The following QTMAN variants were observed in gnomAD, a reference collection of about 807,000 sequenced individuals.
QTMAN encodes the protein queuosine-tRNA mannosyltransferase.
the QTMAN span, among the ~76,000 whole-genome samples, chr2:144,162,882 G>T: frequency 3.3e-5 from 5 of 152,122 alleles, no homozygotes; most frequent in African/African-American, 1.2e-4. Context: ...GCAGATAGGG[G>T]GCATCAGTGG....
the QTMAN span, among the ~76,000 whole-genome samples, chr2:144,264,748 TGGCAAAG>T: frequency 6.6e-6 from 1 of 152,194 alleles, no homozygotes; most frequent in Non-Finnish European, 1.5e-5. Flanking sequence ...ACGGTTTCCT[TGGCAAAG>T]ATATTCCTAT....
the QTMAN span, among the ~76,000 whole-genome samples, chr2:144,109,593 A>T: frequency 6.6e-6 from 1 of 152,162 alleles, no homozygotes; most frequent in East Asian, 1.9e-4. Flanking sequence ...AGAAATCACC[A>T]TCAGAGTGAA....
the QTMAN span, among the ~76,000 whole-genome samples, chr2:144,106,302 C>G: frequency 6.6e-6 from 1 of 152,184 alleles, no homozygotes; most frequent in South Asian, 2.1e-4. Flanking sequence ...TTAAAAGACA[C>G]AGACTGGCAA....
chr2:144,182,828 A>AATATATATATATTATAT, the QTMAN span, among the ~76,000 whole-genome samples: 1 of 67,212 alleles, frequency 1.5e-5, no homozygotes, highest in Non-Finnish European at 2.6e-5. Context: ...TTATATATAT[A>AATATATATATATTATAT]ATATATATAT....
the QTMAN span, among the ~76,000 whole-genome samples, chr2:144,281,414 A>C: frequency 6.6e-6 from 1 of 150,680 alleles, no homozygotes; most frequent in South Asian, 2.1e-4. Flanking sequence ...AAAAAAAAAA[A>C]AAAACGGAAA....
chr2:144,255,395 TC>T, the QTMAN span, among the ~76,000 whole-genome samples: 1 of 152,158 alleles, frequency 6.6e-6, no homozygotes. Flanking sequence ...GGCACTTCTC[TC>T]TTTGGCCGTG....
chr2:144,205,583 A>C, the QTMAN span, among the ~76,000 whole-genome samples: 1 of 152,304 alleles, frequency 6.6e-6, no homozygotes, highest in Non-Finnish European at 1.5e-5. Flanking sequence ...TTCTGTTAAC[A>C]AGGAAGAAGG....
At chr2:144,147,231 T>C in the QTMAN span, among the ~76,000 whole-genome samples, 1 of 151,560 alleles carries the variant, frequency 6.6e-6, no homozygotes, top group Non-Finnish European at 1.5e-5. Context: ...CCTACATTGC[T>C]ATATTAATGT....
the QTMAN span, among the ~76,000 whole-genome samples, chr2:144,233,073 T>C: frequency 6.6e-6 from 1 of 152,168 alleles, no homozygotes; most frequent in African/African-American, 2.4e-5. Context: ...GTAAAAGACA[T>C]GAACTGACCC....
the QTMAN span, among the ~76,000 whole-genome samples, chr2:144,292,061 A>G: frequency 6.6e-6 from 1 of 152,238 alleles, no homozygotes; most frequent in African/African-American, 2.4e-5. Flanking sequence ...TCTGAGTGTT[A>G]GTTTTTCTCC....
chr2:144,098,247 A>G, the QTMAN span, among the ~76,000 whole-genome samples: 3 of 152,228 alleles, frequency 2.0e-5, no homozygotes, highest in Non-Finnish European at 4.4e-5. Context: ...TTTAGACAGT[A>G]ATTACATAAG....
At chr2:144,287,775 T>C in the QTMAN span, among the ~76,000 whole-genome samples, 1 of 152,214 alleles carries the variant, frequency 6.6e-6, no homozygotes. Context: ...ATAGTATATG[T>C]ACACTAGGTT....
the QTMAN span, among the ~76,000 whole-genome samples, chr2:144,241,720 T>C: frequency 6.6e-6 from 1 of 152,184 alleles, no homozygotes; most frequent in African/African-American, 2.4e-5. Flanking sequence ...TTCCTTTCTT[T>C]AGGAGGAAGC....
the QTMAN span, among the ~76,000 whole-genome samples, chr2:144,009,119 T>A: frequency 6.6e-6 from 1 of 151,944 alleles, no homozygotes; most frequent in African/African-American, 2.4e-5. Flanking sequence ...AACATGGTGA[T>A]CATAGTGTAG....
chr2:144,058,744 G>T, the QTMAN span, among the ~76,000 whole-genome samples: 1 of 152,088 alleles, frequency 6.6e-6, no homozygotes, highest in Non-Finnish European at 1.5e-5. Context: ...CTATAATCCT[G>T]CTCATTTCTC....
the QTMAN span, among the ~76,000 whole-genome samples, chr2:144,310,163 G>T: frequency 1.3e-5 from 2 of 152,158 alleles, no homozygotes; most frequent in Non-Finnish European, 2.9e-5. Flanking sequence ...CAAGACCCAA[G>T]AAAGATTAGG....
At chr2:144,002,708 A>C in the QTMAN span, among the ~76,000 whole-genome samples, 1 of 151,986 alleles carries the variant, frequency 6.6e-6, no homozygotes, top group African/African-American at 2.4e-5. Context: ...AAATCCATTC[A>C]AACTGCAGGT....
chr2:144,295,839 A>G, the QTMAN span, among the ~76,000 whole-genome samples: 9 of 151,960 alleles, frequency 5.9e-5, no homozygotes, highest in Non-Finnish European at 1.2e-4. Flanking sequence ...GTCTCAAACA[A>G]TCCTCCCACC....
the QTMAN span, among the ~76,000 whole-genome samples, chr2:144,078,115 A>G: frequency 2.6e-5 from 4 of 152,200 alleles, no homozygotes; most frequent in Admixed American, 2.6e-4. Flanking sequence ...AGCACTCTAA[A>G]CAGCCTACTG....
Sources: gnomAD v4.1 joint callset for allele counts (sites outside exome capture counted in the v4.1 genomes callset) on GRCh38, gnomAD v4.1.1 for gene constraint, MANE v1.5 for transcripts, NCBI Gene and HGNC (gene_info 2026-07-23, HGNC 2026-07-21) for gene names.